Variants in MAGI1 observed in about 807,000 individuals in gnomAD.
MAGI1 encodes membrane-associated guanylate kinase, WW and PDZ domain-containing protein 1.
In MAGI1, 58 loss-of-function variants were observed where a neutral mutation model predicts 139.9. That is an observed-to-expected ratio of 0.41 (90% confidence interval 0.34 to 0.52). MAGI1 has a LOEUF of 0.52. Ranked by LOEUF, MAGI1 falls within the 20% of genes least tolerant of loss-of-function variation. The pLI is 0.12. For synonymous variants in MAGI1, 812 were observed against 737.9 expected, an observed-to-expected ratio of 1.10 and a Z score of -1.63; for missense variants, 1,874 against 1,901.6, an observed-to-expected ratio of 0.99 and a Z score of 0.27.
chr3:65,395,636 CAAAAAAA>C (rs58806140), intron 13 of MAGI1, among the ~76,000 whole-genome samples: 14 of 19,172 alleles, frequency 7.3e-4, no homozygotes, highest in Admixed American at 1.9e-3. Flanking sequence ...GACTCCATCT[CAAAAAAA>C]AAAAAAAAAA....
rs1425960148 is a variant in MAGI1 at position 65,962,823 on chromosome 3, TC to T, written c.313+75172del. On this transcript the variant is annotated intron_variant, in intron 1 of 22. Coordinates refer to ENST00000402939, the MANE Select transcript of MAGI1 (RefSeq NM_001033057.2). ...CTGGGCAACAGAGCGAGACTCTGTCTCGGGGGGAAAAAAAAAAAAAAAAAGA... is the reference window on the plus strand; with the variant it reads ...CTGGGCAACAGAGCGAGACTCTGTCTGGGGGGAAAAAAAAAAAAAAAAAGA... Among the ~76,000 whole-genome samples the T allele has an allele frequency of 7.0e-5, 6 of 85,818 alleles. No individual in the cohort carries two copies. In the South Asian group the frequency reaches 3.2e-3, roughly 45 times the overall value. The allele number at this position is 85,818 out of a possible 152,430, so 56.3% of individuals were successfully genotyped here. A position where few individuals can be genotyped will look rare whatever the true frequency, so the allele number is the denominator to read the frequency against.
chr3:65,410,751 T>C (rs1412213421), intron 12 of MAGI1, among the ~76,000 whole-genome samples: 1 of 151,850 alleles, frequency 6.6e-6, no homozygotes, highest in African/African-American at 2.4e-5. Flanking sequence ...CAAGTCTCAG[T>C]ACCTAAATCA....
intron 1 of MAGI1, among the ~76,000 whole-genome samples, chr3:65,852,406 T>C (rs567747661): frequency 6.6e-6 from 1 of 152,232 alleles, no homozygotes; most frequent in Admixed American, 6.5e-5. Flanking sequence ...TGGAACAACA[T>C]GTAAAACTCT....
chr3:65,900,962 G>A (rs2061204736), intron 1 of MAGI1, among the ~76,000 whole-genome samples: 1 of 152,172 alleles, frequency 6.6e-6, no homozygotes. Flanking sequence ...ACAGAAGAAT[G>A]AAGTAAGAGC....
intron 8 of MAGI1, among the ~76,000 whole-genome samples, chr3:65,441,382 G>T (rs1264323366): frequency 6.6e-6 from 1 of 152,108 alleles, no homozygotes; most frequent in Non-Finnish European, 1.5e-5. Flanking sequence ...TTTATCAATA[G>T]AAAGGATAGA....
intron 12 of MAGI1, among the ~76,000 whole-genome samples, chr3:65,421,483 T>C (rs1014973578): frequency 6.6e-6 from 1 of 152,150 alleles, no homozygotes; most frequent in Non-Finnish European, 1.5e-5. Flanking sequence ...AATCAATGAA[T>C]CAGATAAATA....
intron 1 of MAGI1, among the ~76,000 whole-genome samples, chr3:66,033,192 T>C (rs1422093139): frequency 6.6e-6 from 1 of 151,986 alleles, no homozygotes; most frequent in African/African-American, 2.4e-5. Context: ...CACGCCCAGC[T>C]AGTTTATGTA....
At chr3:65,523,884 T>C (rs992099291) in intron 2 of MAGI1, among the ~76,000 whole-genome samples, 55 of 152,110 alleles carry the variant, frequency 3.6e-4, no homozygotes, top group African/African-American at 1.3e-3. Context: ...AGCCTGAGAG[T>C]GCACGCTACA....
chr3:65,880,669 T>C (rs1457984790), intron 1 of MAGI1, among the ~76,000 whole-genome samples: 1 of 151,966 alleles, frequency 6.6e-6, no homozygotes, highest in East Asian at 1.9e-4. Flanking sequence ...GGCTGACAAC[T>C]AGATTCCACC....
chr3:65,655,625 C>T (rs1167164967), intron 1 of MAGI1, among the ~76,000 whole-genome samples: 1 of 152,144 alleles, frequency 6.6e-6, no homozygotes, highest in Admixed American at 6.5e-5. Context: ...GCTAAGTGCT[C>T]GCATACATTA....
chr3:65,691,177 C>T (rs1266091346), intron 1 of MAGI1, among the ~76,000 whole-genome samples: 7 of 151,834 alleles, frequency 4.6e-5, no homozygotes, highest in African/African-American at 9.7e-5. Context: ...GTGGCGGGCG[C>T]CTGTAGTCCC....
intron 1 of MAGI1, among the ~76,000 whole-genome samples, chr3:65,842,422 G>A (rs908762181): frequency 1.3e-5 from 2 of 150,640 alleles, no homozygotes; most frequent in South Asian, 2.1e-4. Context: ...GTGCAATGGC[G>A]CAATCTCGAC....
At chr3:65,693,311 A>T (rs2107574775) in intron 1 of MAGI1, among the ~76,000 whole-genome samples, 1 of 152,314 alleles carries the variant, frequency 6.6e-6, no homozygotes, top group South Asian at 2.1e-4. Context: ...AACAGAAAAC[A>T]GACTAAGACA....
At chr3:65,570,184 C>A (rs2080890372) in intron 2 of MAGI1, among the ~76,000 whole-genome samples, 1 of 151,296 alleles carries the variant, frequency 6.6e-6, no homozygotes, top group East Asian at 1.9e-4. Context: ...CTTACTGCAA[C>A]CTCAGCCTCC....
At chr3:65,813,381 T>A (rs1453009779) in intron 1 of MAGI1, among the ~76,000 whole-genome samples, 1 of 151,950 alleles carries the variant, frequency 6.6e-6, no homozygotes, top group Non-Finnish European at 1.5e-5. Flanking sequence ...GGAAGGCAAT[T>A]TGGGGGAAAA....
At chr3:65,964,961 C>T (rs1331938331) in intron 1 of MAGI1, among the ~76,000 whole-genome samples, 1 of 152,224 alleles carries the variant, frequency 6.6e-6, no homozygotes, top group African/African-American at 2.4e-5. Context: ...ATATCTACTT[C>T]TAGGTACTGA....
intron 3 of MAGI1, among the ~76,000 whole-genome samples, chr3:65,485,421 A>G (rs531650902): frequency 6.6e-6 from 1 of 152,312 alleles, no homozygotes; most frequent in South Asian, 2.1e-4. Context: ...TGAGTGAGGT[A>G]AGGGACCTCT....
At chr3:65,786,371 A>T (rs1252900659) in intron 1 of MAGI1, among the ~76,000 whole-genome samples, 1 of 150,428 alleles carries the variant, frequency 6.6e-6, no homozygotes, top group East Asian at 2.0e-4. Flanking sequence ...CAATGACATG[A>T]TCACAGCTCA....
intron 18 of MAGI1, among the ~76,000 whole-genome samples, chr3:65,371,682 G>T (rs1485559867): frequency 1.3e-5 from 2 of 152,172 alleles, no homozygotes; most frequent in Admixed American, 6.5e-5. Context: ...AATCCTCTCA[G>T]ACTCTGCCAC....
Sources: allele counts gnomAD v4.1 joint callset (sites outside exome capture counted in the v4.1 genomes callset), GRCh38; gene constraint gnomAD v4.1.1; transcripts MANE v1.5; gene names NCBI Gene and HGNC (gene_info 2026-07-23, HGNC 2026-07-21).